The following MAP2K5 variants were observed in gnomAD, a reference collection of about 807,000 sequenced individuals.
MAP2K5 encodes the protein dual specificity mitogen-activated protein kinase kinase 5.
A neutral mutation model predicts 83.1 loss-of-function variants in MAP2K5; 49 were observed. The observed-to-expected ratio is 0.59, with a 90% CI of 0.47 to 0.75. The LOEUF is 0.75. Among genes scored for constraint, MAP2K5 ranks in the 30% least tolerant of loss-of-function variants. MAP2K5 has a pLI of 0.00. For synonymous variants in MAP2K5, 202 were observed against 191.8 expected (o/e 1.05, Z -0.44); for missense variants, 457 against 557.5 (o/e 0.82, Z 1.82).
At position 67,783,510 on chromosome 15, in the gene MAP2K5, T is replaced by C. The variant is rs1401294791; in HGVS notation, c.1242+10758T>C. On this transcript the variant is annotated intron_variant, in intron 21 of 21. Transcript: ENST00000178640. This position sits in a 1 kb window ranked among gnomAD's most constrained non-coding sequence, Gnocchi z 5.1. ...CTCTGTGAAGCTTTGCTAAGCGTGC[T>C]TCAGTTGGGTTGAGGACTTCCTTTT... Among the ~76,000 whole-genome samples, 1 of 152,198 alleles carries C rather than the reference T, an allele frequency of 6.6e-6. No homozygotes were observed. Among genetic ancestry groups the C allele is most frequent in the East Asian group, 1.9e-4 (1 of 5,190 alleles).
chr15:67,632,089 T>G (rs977717110), intron 9 of MAP2K5, among the ~76,000 whole-genome samples: 1 of 131,318 alleles, frequency 7.6e-6, no homozygotes, highest in Non-Finnish European at 1.6e-5. Flanking sequence ...TGCCAAGTAT[T>G]ATGCTAGATT....
rs1229433802 is a variant in MAP2K5 at position 67,693,477 on chromosome 15, ATTATCT to A, written c.922-36_922-31del. The A allele has an allele frequency of 2.7e-6, 4 of 1,502,866 alleles. No homozygotes were observed. The African/African-American group carries it at 4.2e-5, about 16-fold the overall frequency. 93.1% of individuals were successfully genotyped at this position (1,502,866 alleles called of 1,614,324 possible). A position where few individuals can be genotyped will look rare whatever the true frequency, so the allele number is the denominator to read the frequency against. ...GAATAATTGCCCATTTTATTTCCAC[ATTATCT>A]TTATATTGTTCTAACAGACTGTTTT... On this transcript the variant is annotated intron_variant, in intron 14 of 21. Transcript: ENST00000178640.
At chr15:67,725,685 G>T (rs1048197948) in intron 16 of MAP2K5, among the ~76,000 whole-genome samples, 1 of 152,146 alleles carries the variant, frequency 6.6e-6, no homozygotes, top group Non-Finnish European at 1.5e-5. Context: ...TCCTCTTGCT[G>T]GTTTTCTAAC....
At chr15:67,641,459 C>G in intron 9 of MAP2K5, 19 of 1,000,100 alleles carry the variant, frequency 1.9e-5, no homozygotes, top group Non-Finnish European at 2.3e-5. Context: ...GTGTGTGCCA[C>G]TCCAGCAAAT....
At chr15:67,718,493 G>T in intron 16 of MAP2K5, among the ~76,000 whole-genome samples, 1 of 152,198 alleles carries the variant, frequency 6.6e-6, no homozygotes. Flanking sequence ...GCTGGGTGCA[G>T]TGTCTCATGC....
Position 67,719,095 on chromosome 15 carries a change from C to G in MAP2K5, c.1045-8821C>G, listed in dbSNP as rs2088895179. On this transcript the variant is annotated intron_variant, in intron 16 of 21. Transcript: ENST00000178640. The surrounding 1 kb of genome is among the most constrained non-coding windows in gnomAD (Gnocchi z 4.6). ...CCTCTGGTAACCATCATTCTACTGT[C>G]TATCTCCATGAGTTCAATTCATTTA... Among the ~76,000 whole-genome samples the G allele has an allele frequency of 6.6e-6, 1 of 152,184 alleles. No individual in the cohort carries two copies. The highest frequency in any genetic ancestry group is 2.4e-5 in the African/African-American group (1 of 41,440).
At chr15:67,566,395 C>T (rs568319781) in intron 3 of MAP2K5, among the ~76,000 whole-genome samples, 10 of 152,170 alleles carry the variant, frequency 6.6e-5, no homozygotes, top group Admixed American at 5.2e-4. Flanking sequence ...AGGCTGGTCT[C>T]GAACTCCTGA....
At chr15:67,554,724 A>G (rs2084589074) in intron 2 of MAP2K5, among the ~76,000 whole-genome samples, 2 of 152,116 alleles carry the variant, frequency 1.3e-5, no homozygotes, top group South Asian at 4.1e-4. Flanking sequence ...AGTGATAGGT[A>G]CGATGTTTTA....
rs961365157 is a variant in MAP2K5, at chr15:67,702,642, G to A, written c.973-695G>A. Among the ~76,000 whole-genome samples the A allele has an allele frequency of 2.0e-5, 3 of 152,214 alleles. No homozygotes were observed. Among genetic ancestry groups the A allele is most frequent in the Admixed American group, 6.5e-5 (1 of 15,280 alleles). Reference sequence around the variant, plus strand: ...GTATGAAATTATTCCTTTTGAAGTTGAGAGTGTTTATGTAGCCTCTTTTAG... The same window carrying A: ...GTATGAAATTATTCCTTTTGAAGTTAAGAGTGTTTATGTAGCCTCTTTTAG... On this transcript the variant is annotated intron_variant, in intron 15 of 21. Transcript: ENST00000178640. This position sits in a 1 kb window ranked among gnomAD's most constrained non-coding sequence, Gnocchi z 4.6.
chr15:67,613,517 G>A (rs757919468), intron 8 of MAP2K5, among the ~76,000 whole-genome samples: 2 of 152,158 alleles, frequency 1.3e-5, no homozygotes, highest in Non-Finnish European at 2.9e-5. Context: ...CTGTAATGCA[G>A]GATGAAACTA....
chr15:67,688,138 G>C (rs1430676647), intron 13 of MAP2K5, among the ~76,000 whole-genome samples: 1 of 152,172 alleles, frequency 6.6e-6, no homozygotes, highest in Non-Finnish European at 1.5e-5. Flanking sequence ...AGTATTCCAG[G>C]GACACAGAGC....
chr15:67,772,743 A>C lies in MAP2K5; in HGVS notation c.1233A>C (p.Glu411Asp), dbSNP rs1195833880. ...RKQPKERPAPEELMGHPFIVQ... is the reference protein window; with the variant it reads ...RKQPKERPAPDELMGHPFIVQ... ...AGCCAAAAGAAAGGCCAGCACCTGA[A>C]GAATTGATGGTAAGTGAATGTTTTT... Residue 411 changes from glutamate to aspartate, a missense_variant, in exon 21 of 22, where the codon GAA becomes GAC. Physicochemically the swap from Glu to Asp is conservative, Grantham distance 45. Coordinates refer to ENST00000178640, the MANE Select transcript of MAP2K5 (RefSeq NM_145160.3). 6.2e-7 allele frequency: 1 copy of C among 1,603,702 alleles called. No individual in the cohort carries two copies. Among genetic ancestry groups the C allele is most frequent in the South Asian group, 1.1e-5 (1 of 89,172 alleles).
rs538846154 is a variant in MAP2K5 at position 67,759,199 on chromosome 15, C to T, written c.1135-10403C>T. 1.2e-4 allele frequency among the ~76,000 whole-genome samples: 19 copies of T among 152,108 alleles called. No homozygotes were observed. The South Asian group carries it at 3.1e-3, about 25-fold the overall frequency. On this transcript the variant is annotated intron_variant, in intron 19 of 21. Transcript: ENST00000178640. The stretch of plus-strand genomic sequence containing the variant: ...GAAGCCACTGGGGTATGAAAATAGC[C>T]GGTGCTGGGGGGTGGGGGATGCTGA...
chr15:67,667,365 C>T (rs566963438), intron 13 of MAP2K5, among the ~76,000 whole-genome samples: 2 of 152,274 alleles, frequency 1.3e-5, no homozygotes, highest in Admixed American at 1.3e-4. Context: ...GCTATATAAG[C>T]TCATTGCTGT....
At chr15:67,547,683 C>G (rs887842274) in intron 1 of MAP2K5, among the ~76,000 whole-genome samples, 2 of 152,112 alleles carry the variant, frequency 1.3e-5, no homozygotes, top group Admixed American at 1.3e-4. Flanking sequence ...TCTTGAACTC[C>G]TGACCTCAAG....
chr15:67,745,530 A>C (rs1327001896), intron 17 of MAP2K5, among the ~76,000 whole-genome samples: 1 of 152,270 alleles, frequency 6.6e-6, no homozygotes, highest in African/African-American at 2.4e-5. Flanking sequence ...TGAAAAAGGT[A>C]AACAACAAAG....
Position 67,717,521 on chromosome 15 carries a change from T to C in MAP2K5, c.1045-10395T>C, listed in dbSNP as rs1396275093. Among the ~76,000 whole-genome samples the C allele has an allele frequency of 6.6e-6, 1 of 152,174 alleles. No homozygotes were observed. The highest frequency in any genetic ancestry group is 1.5e-5 in the Non-Finnish European group (1 of 68,024). The stretch of plus-strand genomic sequence containing the variant: ...GGGCACATGAGAGTGTGGGCTGACA[T>C]GAGTGTCAGAGAAAGCATTTCAGTT... On this transcript the variant is annotated intron_variant, in intron 16 of 21. Coordinates refer to ENST00000178640, the MANE Select transcript of MAP2K5 (RefSeq NM_145160.3). The surrounding 1 kb of genome is among the most constrained non-coding windows in gnomAD (Gnocchi z 4.1).
rs1461724198 is a variant in MAP2K5, at chr15:67,592,929, A to G, written c.435A>G (p.Leu145=). The G allele has an allele frequency of 1.9e-6, 3 of 1,608,090 alleles. No homozygotes were observed. The highest frequency in any genetic ancestry group is 1.7e-5 in the Admixed American group (1 of 59,736). ...AAAAATTATCTTTCCTTTTCAGCTT[A>G]AAGAAGTCTTCTGCTGAACTGAAAA... The part of the protein sequence containing the change: ...AVSDSLPSNS[L]KKSSAELKKI... Residue 145 remains leucine, a synonymous_variant, in exon 7 of 22, where the codon TTA becomes TTG. Transcript: ENST00000178640.
At chr15:67,792,072 A>G (rs1276394386) in intron 21 of MAP2K5, among the ~76,000 whole-genome samples, 3 of 152,230 alleles carry the variant, frequency 2.0e-5, no homozygotes, top group Non-Finnish European at 2.9e-5. Flanking sequence ...AAGAGAGCCA[A>G]TACCTGCTCA....
Sources: gnomAD v4.1 joint callset for allele counts (sites outside exome capture counted in the v4.1 genomes callset) on GRCh38, gnomAD v4.1.1 for gene constraint, Gnocchi (gnomAD v3.1) non-coding constraint, MANE v1.5 for transcripts, NCBI Gene and HGNC (gene_info 2026-07-23, HGNC 2026-07-21) for gene names.